The following PLGRKT variants were observed in gnomAD, a reference collection of about 807,000 sequenced individuals.
PLGRKT encodes the protein plasminogen receptor with a C-terminal lysine.
Under a neutral mutation model 18.5 loss-of-function variants are expected in PLGRKT, and 22 were observed. That is an observed-to-expected ratio of 1.19 (90% CI 0.85 to 1.70). The LOEUF (loss-of-function observed/expected upper bound fraction) is 1.70. Among genes scored for constraint, PLGRKT ranks in the 40% most tolerant of loss-of-function variants. PLGRKT has a pLI of 0.00. For missense variants in PLGRKT, 235 were observed against 174.4 expected (o/e 1.35, Z -1.96); for synonymous variants, 72 against 52.8 (o/e 1.36, Z -1.58).
chr9:5,398,072 A>G (rs557876167), intron 3 of PLGRKT, among the ~76,000 whole-genome samples: 1 of 152,066 alleles, frequency 6.6e-6, no homozygotes, highest in African/African-American at 2.4e-5. Flanking sequence ...CAGGTAGATT[A>G]GGATATCAGT....
intron 3 of PLGRKT, among the ~76,000 whole-genome samples, chr9:5,407,417 T>G (rs1485502966): frequency 6.6e-6 from 1 of 152,236 alleles, no homozygotes; most frequent in Non-Finnish European, 1.5e-5. Flanking sequence ...GAAAGCACTA[T>G]GTGATATAAT....
Position 5,367,030 on chromosome 9 carries a change from T to TACACACACAC in PLGRKT, c.82-5152_82-5143dup, listed in dbSNP as rs56259718. ...CAACAGACAGACAGATACACACACA[T>TACACACACAC]ACACACACACACACACACACACACA... On this transcript the variant is annotated intron_variant, in intron 3 of 5. Transcript: ENST00000223864. 1.1e-3 allele frequency among the ~76,000 whole-genome samples: 123 copies of TACACACACAC among 112,396 alleles called. 1 individual carries two copies. The highest frequency in any genetic ancestry group is 3.7e-3 in the African/African-American group (112 of 30,608). 73.7% of individuals were successfully genotyped at this position (112,396 alleles called of 152,430 possible).
intron 3 of PLGRKT, among the ~76,000 whole-genome samples, chr9:5,406,716 G>C (rs1350561204): frequency 6.6e-6 from 1 of 152,002 alleles, no homozygotes; most frequent in Non-Finnish European, 1.5e-5. Context: ...GTACACGTTT[G>C]CCTATGTAAC....
chr9:5,427,676 C>A (rs1373152872), intron 3 of PLGRKT, among the ~76,000 whole-genome samples: 1 of 152,156 alleles, frequency 6.6e-6, no homozygotes, highest in African/African-American at 2.4e-5. Flanking sequence ...TGGACCATAT[C>A]CCCCACAGAT....
chr9:5,436,884 CA>C (rs971306990), intron 1 of PLGRKT, among the ~76,000 whole-genome samples, 190 bp from the exon 2 acceptor site: 1 of 152,234 alleles, frequency 6.6e-6, no homozygotes, highest in East Asian at 1.9e-4. Flanking sequence ...AGAAAATAAG[CA>C]AAATTGACCT....
rs1194069525 is a variant in PLGRKT at position 5,361,204 on chromosome 9, A to C, written c.213-17T>G. 7.0e-7 allele frequency: 1 copy of C among 1,438,462 alleles called. No individual in the cohort carries two copies. Among genetic ancestry groups the C allele is most frequent in the East Asian group, 2.3e-5 (1 of 44,124 alleles). The allele number at this position is 1,438,462 out of a possible 1,614,324, so 89.1% of individuals were successfully genotyped here. The stretch of plus-strand genomic sequence containing the variant: ...TTAATCGCTCTGTTTCAAGAATTAA[A>C]AGAAGAACCAATATCAAAAAATAAC... On this transcript the variant is annotated splice_polypyrimidine_tract_variant and intron_variant, in intron 4 of 5. Transcript: ENST00000223864.
At chr9:5,423,746 G>C (rs1818621057) in intron 3 of PLGRKT, among the ~76,000 whole-genome samples, 3 of 149,978 alleles carry the variant, frequency 2.0e-5, no homozygotes, top group Admixed American at 6.6e-5. Context: ...CTGTCACCCA[G>C]GTTGTAGTGT....
At chr9:5,364,208 C>T (rs139984952) in intron 3 of PLGRKT, among the ~76,000 whole-genome samples, 14 of 152,314 alleles carry the variant, frequency 9.2e-5, no homozygotes, top group African/African-American at 3.4e-4. Context: ...GAGGTAAAAT[C>T]AGGCATCCAT....
At chr9:5,430,201 C>T (rs568868019) in intron 3 of PLGRKT, among the ~76,000 whole-genome samples, 1 of 152,344 alleles carries the variant, frequency 6.6e-6, no homozygotes, top group African/African-American at 2.4e-5. Flanking sequence ...CTCCAGTCTT[C>T]TGTAATAGGC....
At chr9:5,391,420 T>C (rs1447361189) in intron 3 of PLGRKT, among the ~76,000 whole-genome samples, 2 of 151,956 alleles carry the variant, frequency 1.3e-5, no homozygotes, top group African/African-American at 4.9e-5. Context: ...CTCTTGAGGA[T>C]AGCATACTTT....
intron 3 of PLGRKT, among the ~76,000 whole-genome samples, chr9:5,415,510 G>C (rs1018910793): frequency 6.6e-6 from 1 of 152,104 alleles, no homozygotes; most frequent in Non-Finnish European, 1.5e-5. Flanking sequence ...TATTAACAAA[G>C]TCTCAAAGTA....
chr9:5,372,044 C>A (rs932592909), intron 3 of PLGRKT, among the ~76,000 whole-genome samples: 1 of 136,020 alleles, frequency 7.4e-6, no homozygotes. Flanking sequence ...TGCAGTGGCG[C>A]GATATTGGCT....
rs1817252889 is a variant in PLGRKT, at chr9:5,361,094, A to T, written c.306T>A (p.Leu102=). ...TYQYDLGYGT[L]LERMKGEAED... ...AAGACTTACCTTTCATTCTTTCTAA[A>T]AGGGTTCCATAGCCCAAGTCATACT... The change falls in exon 5 of 6, where the codon CTT becomes CTA. Residue 102 remains leucine (L), a synonymous_variant. Transcript: ENST00000223864. 1 of 1,557,098 alleles carries T rather than the reference A, an allele frequency of 6.4e-7. No homozygotes were observed. The highest frequency in any genetic ancestry group is 1.7e-5 in the Admixed American group (1 of 59,154).
intron 5 of PLGRKT, among the ~76,000 whole-genome samples, chr9:5,360,545 C>T (rs1817240907): frequency 6.6e-6 from 1 of 152,160 alleles, no homozygotes; most frequent in Non-Finnish European, 1.5e-5. Context: ...AGAAGTCAAG[C>T]CTTGATTTGG....
intron 3 of PLGRKT, among the ~76,000 whole-genome samples, chr9:5,412,520 G>A (rs1818384667): frequency 6.6e-6 from 1 of 152,200 alleles, no homozygotes; most frequent in Non-Finnish European, 1.5e-5. Context: ...GGGCTTGCTT[G>A]CTCTGTCTTA....
At chr9:5,400,701 C>T (rs1818137959) in intron 3 of PLGRKT, among the ~76,000 whole-genome samples, 1 of 151,952 alleles carries the variant, frequency 6.6e-6, no homozygotes, top group Non-Finnish European at 1.5e-5. Context: ...TTTATATCCT[C>T]CTTGAATAGT....
chr9:5,360,327 C>T (rs1170132273), intron 5 of PLGRKT, among the ~76,000 whole-genome samples: 2 of 152,170 alleles, frequency 1.3e-5, no homozygotes, highest in East Asian at 3.8e-4. Context: ...GGCAAACTGT[C>T]TTAAAGGGCC....
chr9:5,431,193 G>A (rs1171694625), intron 3 of PLGRKT, among the ~76,000 whole-genome samples: 1 of 152,154 alleles, frequency 6.6e-6, no homozygotes, highest in Non-Finnish European at 1.5e-5. Flanking sequence ...CAGCAGTGTA[G>A]CATCTTCAAA....
At position 5,418,493 on chromosome 9, in the gene PLGRKT, T is replaced by C. The variant is rs376965090; in HGVS notation, c.81+13404A>G. The C allele has an allele frequency of 3.8e-4, 421 of 1,111,066 alleles. 3 individuals carry two copies. In the African/African-American group the frequency reaches 4.2e-3, roughly 11 times the overall value. 68.8% of individuals were successfully genotyped at this position (1,111,066 alleles called of 1,614,324 possible). A position where few individuals can be genotyped will look rare whatever the true frequency, so the allele number is the denominator to read the frequency against. On this transcript the variant is annotated intron_variant, in intron 3 of 5. Transcript: ENST00000223864. This position sits in a 1 kb window ranked among gnomAD's most constrained non-coding sequence, Gnocchi z 4.2. Reference sequence around the variant, plus strand: ...GTGCACACCCTCAACCACATGGAGCTTTTCACCATGCCCCGCCTGTCCTGC... The same window carrying C: ...GTGCACACCCTCAACCACATGGAGCCTTTCACCATGCCCCGCCTGTCCTGC...
Sources: gnomAD v4.1 joint callset for allele counts (sites outside exome capture counted in the v4.1 genomes callset) on GRCh38, gnomAD v4.1.1 for gene constraint, Gnocchi (gnomAD v3.1) non-coding constraint, MANE v1.5 for transcripts, NCBI Gene and HGNC (gene_info 2026-07-23, HGNC 2026-07-21) for gene names.